NAP1L4: variants seen among roughly 807,000 people sequenced by gnomAD.
NAP1L4 encodes nucleosome assembly protein 1 like 4, also known as nucleosome assembly protein 1-like 4.
In NAP1L4, 15 loss-of-function variants were observed where a neutral mutation model predicts 58.2. The ratio of observed to expected loss-of-function variants is 0.26; its 90% CI spans 0.17 to 0.40. NAP1L4 has a LOEUF of 0.40. Ranked by LOEUF, NAP1L4 falls within the 10% of genes least tolerant of loss-of-function variation. The pLI is 1.00. For missense variants in NAP1L4, 384 were observed against 451.1 expected, an observed-to-expected ratio of 0.85 and a Z score of 1.35; for synonymous variants, 171 against 155.6, an observed-to-expected ratio of 1.10 and a Z score of -0.74.
At position 2,971,890 on chromosome 11, in the gene NAP1L4, A is replaced by T. The variant is rs1316998234; in HGVS notation, c.315+212T>A. 6.6e-6 allele frequency among the ~76,000 whole-genome samples: 1 copy of T among 152,192 alleles called. No individual in the cohort carries two copies. Among genetic ancestry groups the T allele is most frequent in the African/African-American group, 2.4e-5 (1 of 41,430 alleles). ...CATTACGCGAGATACTCAGCACTTTATTATAAAATAGGCTTTGTGGAAGAT... is the reference window on the plus strand; with the variant it reads ...CATTACGCGAGATACTCAGCACTTTTTTATAAAATAGGCTTTGTGGAAGAT... On this transcript the variant is annotated intron_variant, in intron 5 of 15. Transcript: ENST00000380542. The surrounding 1 kb of genome is among the most constrained non-coding windows in gnomAD (Gnocchi z 4.2).
intron 4 of NAP1L4, 149 bp from the exon 5 acceptor site, chr11:2,972,392 C>G (rs374728155): frequency 2.4e-5 from 13 of 543,878 alleles, no homozygotes; most frequent in Non-Finnish European, 3.8e-5. Flanking sequence ...AAGGACAATA[C>G]CCCAACAGGA....
chr11:2,970,996 C>T (rs919225980), intron 6 of NAP1L4, among the ~76,000 whole-genome samples: 1 of 152,152 alleles, frequency 6.6e-6, no homozygotes, highest in Non-Finnish European at 1.5e-5. Flanking sequence ...TAGAAAAAGG[C>T]TGTGAGCAGG....
rs142192455 is a variant in NAP1L4 at position 2,983,695 on chromosome 11, A to G, written c.-17-4458T>C. ...AAAGAACCAACCAACCCAGAACTCA[A>G]TGCCTAGAACAAGACAGACACACAC... On this transcript the variant is annotated intron_variant, in intron 1 of 15. Coordinates refer to ENST00000380542, the MANE Select transcript of NAP1L4 (RefSeq NM_005969.4). 8 of 152,292 alleles carry G rather than the reference A, an allele frequency of 5.3e-5. No homozygotes were observed. The East Asian group carries it at 1.5e-3, about 29-fold the overall frequency. The allele number at this position is 152,292 out of a possible 1,614,324, so 9.4% of individuals were successfully genotyped here. A position where few individuals can be genotyped will look rare whatever the true frequency, so the allele number is the denominator to read the frequency against.
intron 7 of NAP1L4, among the ~76,000 whole-genome samples, chr11:2,967,384 A>G (rs1018317447): frequency 3.3e-5 from 5 of 152,200 alleles, no homozygotes; most frequent in Admixed American, 2.0e-4. Flanking sequence ...AGGCCAAGGC[A>G]GGCGGATGAT....
intron 1 of NAP1L4, among the ~76,000 whole-genome samples, chr11:2,986,977 G>A (rs992070553): frequency 2.6e-5 from 4 of 152,054 alleles, no homozygotes; most frequent in African/African-American, 9.7e-5. Context: ...TCTGAGGAAT[G>A]GCAATCCAAC....
intron 1 of NAP1L4, chr11:2,992,034 GCGCCCCA>G (rs1564996440): frequency 6.6e-6 from 1 of 152,190 alleles, no homozygotes; most frequent in Admixed American, 6.6e-5. Flanking sequence ...CCTCCCGCCA[GCGCCCCA>G]GGCCCGGGCT....
rs557478660 is a variant in NAP1L4, at chr11:2,948,286, C to T, written c.*32+941G>A. Among the ~76,000 whole-genome samples, 1 of 152,290 alleles carries T rather than the reference C, an allele frequency of 6.6e-6. No individual in the cohort carries two copies. The highest frequency in any genetic ancestry group is 2.1e-4 in the South Asian group (1 of 4,822). The stretch of plus-strand genomic sequence containing the variant: ...TGAGGAAGACAGGGAGGCGGTGGCG[C>T]TAAGACCTCAAGGACGTCTGGTCTA... On this transcript the variant is annotated intron_variant, in intron 15 of 15. Coordinates refer to ENST00000380542, the MANE Select transcript of NAP1L4 (RefSeq NM_005969.4). The surrounding 1 kb of genome is among the most constrained non-coding windows in gnomAD (Gnocchi z 5.1).
At chr11:2,976,259 CT>C (rs1355110283) in intron 3 of NAP1L4, 136 bp from the exon 4 acceptor site, 3 of 598,396 alleles carry the variant, frequency 5.0e-6, no homozygotes, top group Non-Finnish European at 8.8e-6. Flanking sequence ...ACACCAGTGA[CT>C]TCTTAAACAT....
intron 10 of NAP1L4, among the ~76,000 whole-genome samples, chr11:2,956,636 T>C (rs943406420): frequency 2.0e-5 from 3 of 152,092 alleles, no homozygotes; most frequent in African/African-American, 4.8e-5. Context: ...CAAGCCTCGG[T>C]GTGCCAGCAT....
At chr11:2,990,744 G>A (rs1175386237) in intron 1 of NAP1L4, 1 of 171,158 alleles carries the variant, frequency 5.8e-6, no homozygotes, top group Non-Finnish European at 1.3e-5. Flanking sequence ...TCAGCTTCCA[G>A]AGTAGTTAAA....
At chr11:2,991,773 A>G (rs888559561) in intron 1 of NAP1L4, 1 of 152,288 alleles carries the variant, frequency 6.6e-6, no homozygotes, top group African/African-American at 2.4e-5. Flanking sequence ...CATCTAATAA[A>G]GAAGTCCTGG....
rs187737710 is a variant in NAP1L4, at chr11:2,977,140, T to C, written c.74-1017A>G. ...GTATATATAAAACTGTGTACACATG[T>C]GTAGTATATAAATACTACATGCATA... is the stretch of plus-strand genomic sequence containing the variant. On this transcript the variant is annotated intron_variant, in intron 3 of 15. Coordinates refer to ENST00000380542, the MANE Select transcript of NAP1L4 (RefSeq NM_005969.4). Among the ~76,000 whole-genome samples, 7 of 152,366 alleles carry C rather than the reference T, an allele frequency of 4.6e-5. No individual in the cohort carries two copies. The East Asian group carries it at 1.3e-3, about 29-fold the overall frequency.
chr11:2,975,648 T>G (rs1251452467), intron 4 of NAP1L4, among the ~76,000 whole-genome samples: 1 of 151,986 alleles, frequency 6.6e-6, no homozygotes, highest in African/African-American at 2.4e-5. Flanking sequence ...ATGCCCAGTT[T>G]TTTTTTTTTA....
intron 8 of NAP1L4, among the ~76,000 whole-genome samples, chr11:2,961,411 G>A (rs1233386817): frequency 6.6e-6 from 1 of 151,486 alleles, no homozygotes; most frequent in East Asian, 1.9e-4. Context: ...CCAGTCACCT[G>A]CCTGGCAAAA....
At chr11:2,957,730 G>A (rs1296691013) in intron 10 of NAP1L4, among the ~76,000 whole-genome samples, 2 of 151,996 alleles carry the variant, frequency 1.3e-5, no homozygotes, top group African/African-American at 4.8e-5. Context: ...TTACCACTTA[G>A]GAAAATTTAA....
chr11:2,953,765 G>C (rs750583207), intron 12 of NAP1L4, among the ~76,000 whole-genome samples: 1 of 152,238 alleles, frequency 6.6e-6, no homozygotes, highest in Non-Finnish European at 1.5e-5. Context: ...TAAGGCCCTT[G>C]AACCCACCTA....
rs1846480739 is a variant in NAP1L4 at position 2,955,446 on chromosome 11, T to A, written c.915+298A>T. ...GTCTTGAACTCCTGACCTCTGGTGA[T>A]CCACCCACCTTGGCCTCCCACAGTG... On this transcript the variant is annotated intron_variant, in intron 11 of 15. Transcript: ENST00000380542. This position sits in a 1 kb window ranked among gnomAD's most constrained non-coding sequence, Gnocchi z 4.2. Among the ~76,000 whole-genome samples, 1 of 152,062 alleles carries A rather than the reference T, an allele frequency of 6.6e-6. No homozygotes were observed. The highest frequency in any genetic ancestry group is 1.5e-5 in the Non-Finnish European group (1 of 68,022).
At chr11:2,978,068 G>A (rs540668728) in intron 3 of NAP1L4, among the ~76,000 whole-genome samples, 1 of 152,110 alleles carries the variant, frequency 6.6e-6, no homozygotes, top group Non-Finnish European at 1.5e-5. Flanking sequence ...GCTACAAGAA[G>A]GTAGACTGTA....
rs932789452 is a variant in NAP1L4 at position 2,948,279 on chromosome 11, G to A, written c.*32+948C>T. 1.3e-5 allele frequency among the ~76,000 whole-genome samples: 2 copies of A among 152,178 alleles called. No individual in the cohort carries two copies. The highest frequency in any genetic ancestry group is 1.9e-4 in the East Asian group (1 of 5,204). ...GCCTACATGAGGAAGACAGGGAGGC[G>A]GTGGCGCTAAGACCTCAAGGACGTC... On this transcript the variant is annotated intron_variant, in intron 15 of 15. Coordinates refer to ENST00000380542, the MANE Select transcript of NAP1L4 (RefSeq NM_005969.4). This position sits in a 1 kb window ranked among gnomAD's most constrained non-coding sequence, Gnocchi z 5.1.
Sources: gnomAD v4.1 joint callset for allele counts (sites outside exome capture counted in the v4.1 genomes callset) on GRCh38, gnomAD v4.1.1 for gene constraint, Gnocchi (gnomAD v3.1) non-coding constraint, MANE v1.5 for transcripts, NCBI Gene and HGNC (gene_info 2026-07-23, HGNC 2026-07-21) for gene names.